SORCS1: variants seen among roughly 807,000 people sequenced by gnomAD.
SORCS1 encodes the protein VPS10 domain-containing receptor SorCS1.
Under a neutral mutation model 146.1 loss-of-function variants are expected in SORCS1, and 60 were observed. That is an observed-to-expected ratio of 0.41 (90% CI 0.33 to 0.51). The LOEUF (loss-of-function observed/expected upper bound fraction) is 0.51. Among genes scored for constraint, SORCS1 ranks in the 20% least tolerant of loss-of-function variants. SORCS1 has a pLI of 0.21. For synonymous variants in SORCS1, 637 were observed against 584.0 expected, an observed-to-expected ratio of 1.09 and a Z score of -1.31; for missense variants, 1,352 against 1,487.6, an observed-to-expected ratio of 0.91 and a Z score of 1.50.
intron 1 of SORCS1, among the ~76,000 whole-genome samples, chr10:106,989,342 T>C (rs1373867685): frequency 1.3e-5 from 2 of 150,134 alleles, no homozygotes; most frequent in Non-Finnish European, 3.0e-5. Context: ...AGGCTGTCTA[T>C]CTCCCTTGGT....
At chr10:106,794,072 A>G (rs1946431602) in intron 3 of SORCS1, among the ~76,000 whole-genome samples, 1 of 152,178 alleles carries the variant, frequency 6.6e-6, no homozygotes, top group African/African-American at 2.4e-5. Context: ...AGAACCCCAT[A>G]GTCCACAGAC....
At chr10:107,044,814 T>TAAAAAAAAA (rs71025575) in intron 1 of SORCS1, among the ~76,000 whole-genome samples, 1 of 90,286 alleles carries the variant, frequency 1.1e-5, no homozygotes, top group Non-Finnish European at 2.2e-5. Context: ...TGTGTCTCAA[T>TAAAAAAAAA]AAAAAAAAAA....
chr10:106,804,969 A>T (rs1947089940), intron 3 of SORCS1, among the ~76,000 whole-genome samples: 1 of 152,054 alleles, frequency 6.6e-6, no homozygotes, highest in Non-Finnish European at 1.5e-5. Context: ...CTGATGCCCT[A>T]AGATTATGTG....
At chr10:107,157,759 C>A (rs1969402392) in intron 1 of SORCS1, among the ~76,000 whole-genome samples, 1 of 152,182 alleles carries the variant, frequency 6.6e-6, no homozygotes, top group South Asian at 2.1e-4. Context: ...TGTTTGCTTA[C>A]TCCATCCGTA....
At position 107,106,901 on chromosome 10, in the gene SORCS1, C is replaced by T. The variant is rs148377573; in HGVS notation, c.558+57068G>A. Among the ~76,000 whole-genome samples the T allele has an allele frequency of 8.5e-5, 13 of 152,270 alleles. No homozygotes were observed. The East Asian group carries it at 1.5e-3, about 18-fold the overall frequency. ...ATGTGAGGATACAAAGAGAAAATGG[C>T]CATTTACGTACAAGGAAGCAGGCCC... is the stretch of plus-strand genomic sequence containing the variant. On this transcript the variant is annotated intron_variant, in intron 1 of 25. Coordinates refer to ENST00000263054, the MANE Select transcript of SORCS1 (RefSeq NM_052918.5).
At chr10:106,850,935 A>G (rs1015185697) in intron 2 of SORCS1, among the ~76,000 whole-genome samples, 1 of 152,190 alleles carries the variant, frequency 6.6e-6, no homozygotes, top group African/African-American at 2.4e-5. Flanking sequence ...GCCAATTGCA[A>G]AAAAACACAG....
chr10:107,130,567 A>G (rs1474262838), intron 1 of SORCS1, among the ~76,000 whole-genome samples: 1 of 152,216 alleles, frequency 6.6e-6, no homozygotes, highest in Non-Finnish European at 1.5e-5. Flanking sequence ...CACATGGCTG[A>G]CAAGAGCTTC....
chr10:106,868,043 T>C (rs1950282154), intron 2 of SORCS1, among the ~76,000 whole-genome samples: 2 of 152,128 alleles, frequency 1.3e-5, no homozygotes, highest in Non-Finnish European at 2.9e-5. Flanking sequence ...AAAGCAGATA[T>C]TGCTATCCTA....
At chr10:107,086,393 C>T (rs1963762979) in intron 1 of SORCS1, among the ~76,000 whole-genome samples, 1 of 152,134 alleles carries the variant, frequency 6.6e-6, no homozygotes, top group Non-Finnish European at 1.5e-5. Flanking sequence ...AGAGAAGTTA[C>T]TACATAACAG....
intron 3 of SORCS1, among the ~76,000 whole-genome samples, chr10:106,805,788 G>A (rs1432675110): frequency 6.6e-6 from 1 of 152,194 alleles, no homozygotes; most frequent in Non-Finnish European, 1.5e-5. Context: ...GCCGGGCGTG[G>A]TGGCTCACGC....
chr10:106,991,057 G>T (rs1956750568), intron 1 of SORCS1, among the ~76,000 whole-genome samples: 1 of 152,168 alleles, frequency 6.6e-6, no homozygotes, highest in African/African-American at 2.4e-5. Context: ...CACCTGTTCA[G>T]TATTCCATGA....
At chr10:107,032,765 C>G (rs1413154295) in intron 1 of SORCS1, among the ~76,000 whole-genome samples, 1 of 152,198 alleles carries the variant, frequency 6.6e-6, no homozygotes, top group Non-Finnish European at 1.5e-5. Context: ...AAGAGGCAAT[C>G]ATTCAGGGCT....
chr10:106,951,580 A>G (rs546919151), intron 2 of SORCS1, among the ~76,000 whole-genome samples: 8 of 151,990 alleles, frequency 5.3e-5, no homozygotes, highest in African/African-American at 1.9e-4. Flanking sequence ...AGGTACACAC[A>G]CACCTTCCCC....
At chr10:107,004,428 AG>A (rs1482157607) in intron 1 of SORCS1, among the ~76,000 whole-genome samples, 1 of 152,188 alleles carries the variant, frequency 6.6e-6, no homozygotes, top group African/African-American at 2.4e-5. Flanking sequence ...CATGGTGGAG[AG>A]AAAAAGAAGA....
At chr10:106,678,932 A>G (rs1287552531) in intron 12 of SORCS1, among the ~76,000 whole-genome samples, 2 of 152,186 alleles carry the variant, frequency 1.3e-5, no homozygotes, top group African/African-American at 2.4e-5. Context: ...CATATTCCCT[A>G]TATGATAAAC....
At chr10:106,946,824 A>T (rs1230470802) in intron 2 of SORCS1, among the ~76,000 whole-genome samples, 3 of 152,214 alleles carry the variant, frequency 2.0e-5, no homozygotes, top group African/African-American at 7.2e-5. Context: ...TTATTTACTT[A>T]TATGCTTATT....
intron 2 of SORCS1, among the ~76,000 whole-genome samples, chr10:106,834,345 A>G (rs1313249035): frequency 6.6e-6 from 1 of 152,226 alleles, no homozygotes; most frequent in African/African-American, 2.4e-5. Flanking sequence ...ATATTGAGAA[A>G]TATGTGATTA....
intron 1 of SORCS1, among the ~76,000 whole-genome samples, chr10:107,068,869 CAAA>C (rs397763642): frequency 5.7e-5 from 7 of 122,672 alleles, no homozygotes; most frequent in African/African-American, 8.8e-5. Context: ...GACTCCGTCT[CAAA>C]AAAAAAAAAA....
chr10:107,038,902 G>C (rs1959037012), intron 1 of SORCS1, among the ~76,000 whole-genome samples: 1 of 152,056 alleles, frequency 6.6e-6, no homozygotes, highest in Non-Finnish European at 1.5e-5. Flanking sequence ...AAAATGCCAA[G>C]GGATCACCTT....
Sources: allele counts gnomAD v4.1 joint callset (sites outside exome capture counted in the v4.1 genomes callset), GRCh38; gene constraint gnomAD v4.1.1; transcripts MANE v1.5; gene names NCBI Gene and HGNC (gene_info 2026-07-23, HGNC 2026-07-21).